UQCC6: variants seen among roughly 807,000 people sequenced by gnomAD.
UQCC6 encodes the protein protein BRAWNIN.
At chr12:103,954,683 T>G in the UQCC6 span, 1 of 439,194 alleles carries the variant, frequency 2.3e-6, no homozygotes, top group Non-Finnish European at 4.0e-6. Flanking sequence ...CAGTGGACAT[T>G]CAACAACAGT....
chr12:103,956,696 C>A, the UQCC6 span: 4 of 1,551,564 alleles, frequency 2.6e-6, no homozygotes, highest in Non-Finnish European at 3.5e-6. Context: ...AGACTGGCTG[C>A]GAACATTTTC....
the UQCC6 span, among the ~76,000 whole-genome samples, chr12:103,951,925 C>G: frequency 6.6e-6 from 1 of 152,210 alleles, no homozygotes; most frequent in African/African-American, 2.4e-5. Context: ...AAACTTTCCA[C>G]ATCTGGAAAT....
the UQCC6 span, among the ~76,000 whole-genome samples, chr12:103,962,336 G>A: frequency 6.6e-6 from 1 of 151,568 alleles, no homozygotes; most frequent in Non-Finnish European, 1.5e-5. Context: ...TTTTCCTTTT[G>A]TATTATATTT....
At chr12:103,958,526 C>T in the UQCC6 span, among the ~76,000 whole-genome samples, 1 of 152,098 alleles carries the variant, frequency 6.6e-6, no homozygotes, top group East Asian at 1.9e-4. Flanking sequence ...TTTGCATTTT[C>T]TGGAATGTTA....
the UQCC6 span, chr12:103,956,654 G>A: frequency 1.3e-6 from 2 of 1,551,474 alleles, no homozygotes; most frequent in Non-Finnish European, 1.7e-6. Flanking sequence ...TAGTACCTGT[G>A]CACCACTTCT....
At chr12:103,955,571 C>G in the UQCC6 span, 54 of 328,134 alleles carry the variant, frequency 1.6e-4, no homozygotes, top group East Asian at 4.1e-3. Context: ...AAATGTGAGG[C>G]TGCGGTGAGC....
the UQCC6 span, among the ~76,000 whole-genome samples, chr12:103,960,906 TACTA>T: frequency 6.6e-6 from 1 of 152,210 alleles, no homozygotes; most frequent in Non-Finnish European, 1.5e-5. Flanking sequence ...TATATCTATT[TACTA>T]TACTTTTATG....
the UQCC6 span, among the ~76,000 whole-genome samples, chr12:103,959,790 ATTTAT>A: frequency 4.4e-5 from 6 of 136,868 alleles, no homozygotes; most frequent in Admixed American, 3.3e-4. Flanking sequence ...CAAATTTATT[ATTTAT>A]TTTTACTTTT....
chr12:103,956,862 G>T, the UQCC6 span: 1 of 665,482 alleles, frequency 1.5e-6, no homozygotes, highest in South Asian at 1.8e-5. Flanking sequence ...CGGGGGTGCA[G>T]GAGGACCCCT....
At chr12:103,953,385 G>A in the UQCC6 span, 1 of 702,170 alleles carries the variant, frequency 1.4e-6, no homozygotes, top group Non-Finnish European at 2.6e-6. Context: ...TTGCTATTCA[G>A]ATGAGCTGAG....
At chr12:103,956,594 T>C in the UQCC6 span, 3 of 1,355,088 alleles carry the variant, frequency 2.2e-6, no homozygotes, top group Non-Finnish European at 3.1e-6. Context: ...GAGGTATATT[T>C]AGCTCAAAAA....
chr12:103,962,532 G>A, the UQCC6 span, among the ~76,000 whole-genome samples: 1 of 152,138 alleles, frequency 6.6e-6, no homozygotes, highest in East Asian at 1.9e-4. Context: ...AGCTAAAACA[G>A]GGAAGAGGTG....
chr12:103,951,909 T>C, the UQCC6 span, among the ~76,000 whole-genome samples: 1 of 152,204 alleles, frequency 6.6e-6, no homozygotes, highest in South Asian at 2.1e-4. Context: ...TTCACAGCTT[T>C]GAATAAAACT....
At chr12:103,957,984 AT>A in the UQCC6 span, among the ~76,000 whole-genome samples, 17 of 126,388 alleles carry the variant, frequency 1.3e-4, no homozygotes, top group South Asian at 2.1e-3. Context: ...TTTAATATAT[AT>A]TTATATATTT....
the UQCC6 span, among the ~76,000 whole-genome samples, chr12:103,959,787 ATTAT>A: frequency 5.6e-5 from 8 of 141,800 alleles, no homozygotes; most frequent in African/African-American, 2.1e-4. Flanking sequence ...ATACAAATTT[ATTAT>A]TTATTTTTAC....
At chr12:103,961,962 T>C in the UQCC6 span, among the ~76,000 whole-genome samples, 1 of 152,218 alleles carries the variant, frequency 6.6e-6, no homozygotes, top group East Asian at 1.9e-4. Flanking sequence ...TGAACAGGTT[T>C]GTAGCCTAGG....
At chr12:103,959,435 G>A in the UQCC6 span, among the ~76,000 whole-genome samples, 46,723 of 152,066 alleles carry the variant, frequency 0.31, 8,154 homozygotes, top group Non-Finnish European at 0.38. Flanking sequence ...TTGCCAGGCC[G>A]GGTGCAGTGG....
At chr12:103,964,688 G>T in the UQCC6 span, among the ~76,000 whole-genome samples, 1 of 152,190 alleles carries the variant, frequency 6.6e-6, no homozygotes, top group African/African-American at 2.4e-5. Flanking sequence ...CAAGCCACCT[G>T]CTGTAAGACT....
At chr12:103,960,988 G>A in the UQCC6 span, among the ~76,000 whole-genome samples, 2 of 151,724 alleles carry the variant, frequency 1.3e-5, no homozygotes, top group African/African-American at 2.4e-5. Flanking sequence ...AAACAGCCTC[G>A]GCCGGATCCT....
Sources: allele counts gnomAD v4.1 joint callset (sites outside exome capture counted in the v4.1 genomes callset), GRCh38; gene constraint gnomAD v4.1.1; transcripts MANE v1.5; gene names NCBI Gene and HGNC (gene_info 2026-07-23, HGNC 2026-07-21).